DPP10: variants seen among roughly 807,000 people sequenced by gnomAD.
DPP10 encodes the protein inactive dipeptidyl peptidase 10.
Under a neutral mutation model 120.9 loss-of-function variants are expected in DPP10, and 33 were observed. That is an observed-to-expected ratio of 0.27 (90% confidence interval 0.21 to 0.37). The LOEUF is 0.37. Ranked by LOEUF, DPP10 falls within the 10% of genes least tolerant of loss-of-function variation. DPP10 has a pLI of 1.00. For missense variants in DPP10, 816 were observed against 942.8 expected (o/e 0.87, Z 1.76); for synonymous variants, 337 against 326.1 (o/e 1.03, Z -0.36).
chr2:115,567,280 G>C lies in DPP10; in HGVS notation c.441+41308G>C, dbSNP rs549547221. Among the ~76,000 whole-genome samples, 48 of 152,074 alleles carry C rather than the reference G, an allele frequency of 3.2e-4. 2 individuals carry two copies. The South Asian group carries it at 9.7e-3, about 31-fold the overall frequency. ...AATGTATAATAAAGGAATTGTCACC[G>C]CTTCTCACCTTTTCAATCCATTTTT... On this transcript the variant is annotated intron_variant, in intron 5 of 25. Coordinates refer to ENST00000410059, the MANE Select transcript of DPP10 (RefSeq NM_020868.6).
chr2:114,954,584 T>C (rs1398662654), intron 1 of DPP10, among the ~76,000 whole-genome samples: 3 of 151,600 alleles, frequency 2.0e-5, no homozygotes, highest in African/African-American at 7.3e-5. Context: ...CCAGAGTCAG[T>C]AGAAGGAAGA....
chr2:115,699,036 C>CAAAAAAA (rs1191197397), intron 7 of DPP10, among the ~76,000 whole-genome samples: 1 of 50,788 alleles, frequency 2.0e-5, no homozygotes, highest in Non-Finnish European at 3.8e-5. Flanking sequence ...AAAAAAAAAA[C>CAAAAAAA]AAAAAAAAAA....
rs540550129 is a variant in DPP10, at chr2:115,456,446, A to C, written c.272-43064A>C. Among the ~76,000 whole-genome samples the C allele has an allele frequency of 3.2e-4, 48 of 152,238 alleles. 2 individuals carry two copies. In the East Asian group the frequency reaches 8.7e-3, roughly 28 times the overall value. On this transcript the variant is annotated intron_variant, in intron 3 of 25. Coordinates refer to ENST00000410059, the MANE Select transcript of DPP10 (RefSeq NM_020868.6). Reference sequence around the variant, plus strand: ...AACTAGAAATACCATTTGACCCAGCAATCCCATTATTGGGTATATACCCAA... The same window carrying C: ...AACTAGAAATACCATTTGACCCAGCCATCCCATTATTGGGTATATACCCAA...
intron 1 of DPP10, among the ~76,000 whole-genome samples, chr2:114,779,922 G>A (rs917702863): frequency 6.6e-6 from 1 of 152,050 alleles, no homozygotes; most frequent in South Asian, 2.1e-4. Context: ...GGATCACGAG[G>A]TCAGGAGATC....
intron 1 of DPP10, among the ~76,000 whole-genome samples, chr2:115,098,951 C>T (rs988365958): frequency 2.0e-5 from 3 of 151,890 alleles, no homozygotes; most frequent in African/African-American, 7.3e-5. Context: ...CCAGTTACCA[C>T]AAAAATTTAG....
chr2:114,695,162 C>T (rs2105787594), intron 1 of DPP10, among the ~76,000 whole-genome samples: 1 of 151,982 alleles, frequency 6.6e-6, no homozygotes, highest in Admixed American at 6.6e-5. Context: ...GGATCAAAGA[C>T]AAAGAGGGCA....
intron 1 of DPP10, among the ~76,000 whole-genome samples, chr2:115,090,039 C>CT (rs764418463): frequency 6.5e-4 from 93 of 142,270 alleles, no homozygotes; most frequent in Middle Eastern, 7.2e-3. Context: ...TGGGTCATTC[C>CT]TTTTTTTTTT....
intron 5 of DPP10, among the ~76,000 whole-genome samples, chr2:115,540,352 G>C (rs932954681): frequency 6.6e-6 from 1 of 151,758 alleles, no homozygotes; most frequent in South Asian, 2.1e-4. Flanking sequence ...GCTAAAACTG[G>C]AACTTAATCT....
chr2:114,647,267 A>G (rs1696212275), intron 1 of DPP10, among the ~76,000 whole-genome samples: 1 of 152,142 alleles, frequency 6.6e-6, no homozygotes, highest in Non-Finnish European at 1.5e-5. Context: ...GGGGAGAAAG[A>G]ATTTCCCATT....
At chr2:115,417,169 C>T (rs1394475835) in intron 3 of DPP10, among the ~76,000 whole-genome samples, 1 of 151,972 alleles carries the variant, frequency 6.6e-6, no homozygotes, top group Non-Finnish European at 1.5e-5. Flanking sequence ...TACAGATGTA[C>T]CAGAGCTCCC....
chr2:115,066,269 C>A (rs751295582), intron 1 of DPP10, among the ~76,000 whole-genome samples: 1 of 151,942 alleles, frequency 6.6e-6, no homozygotes, highest in Non-Finnish European at 1.5e-5. Flanking sequence ...TAATTATATG[C>A]TTTAGGATTA....
At chr2:115,724,772 T>G (rs2092726520) in intron 7 of DPP10, among the ~76,000 whole-genome samples, 1 of 152,194 alleles carries the variant, frequency 6.6e-6, no homozygotes. Context: ...CTGCAGGTTG[T>G]GCAAGCATGG....
chr2:115,490,075 A>G (rs1236880129), intron 3 of DPP10, among the ~76,000 whole-genome samples: 2 of 152,150 alleles, frequency 1.3e-5, no homozygotes, highest in African/African-American at 4.8e-5. Context: ...TCCCCACTTC[A>G]AGATATCCCA....
At chr2:115,184,095 C>T (rs567083184) in intron 1 of DPP10, among the ~76,000 whole-genome samples, 22 of 152,214 alleles carry the variant, frequency 1.4e-4, no homozygotes, top group African/African-American at 4.3e-4. Flanking sequence ...GGGAACTCAA[C>T]GACTTCTTGA....
chr2:115,441,002 A>G (rs1252802295), intron 3 of DPP10: 2 of 152,178 alleles, frequency 1.3e-5, no homozygotes, highest in African/African-American at 2.4e-5. Context: ...TATGGGGTCA[A>G]TTGGAGTTTT....
chr2:115,016,667 A>T (rs1172733415), intron 1 of DPP10, among the ~76,000 whole-genome samples: 1 of 151,802 alleles, frequency 6.6e-6, no homozygotes, highest in Non-Finnish European at 1.5e-5. Context: ...AGAAAAAAAA[A>T]ACAACCCATC....
chr2:114,849,269 G>T (rs1688767569), intron 1 of DPP10, among the ~76,000 whole-genome samples: 1 of 152,110 alleles, frequency 6.6e-6, no homozygotes, highest in Non-Finnish European at 1.5e-5. Context: ...ATTGTTCTGG[G>T]TCTATATTCC....
At chr2:115,165,766 T>G (rs1378870690) in intron 1 of DPP10, among the ~76,000 whole-genome samples, 1 of 152,186 alleles carries the variant, frequency 6.6e-6, no homozygotes, top group Non-Finnish European at 1.5e-5. Context: ...CTAAAAAGCG[T>G]GGCTGTTCTC....
intron 1 of DPP10, among the ~76,000 whole-genome samples, chr2:114,794,916 T>C (rs1683571833): frequency 6.6e-6 from 1 of 152,206 alleles, no homozygotes; most frequent in South Asian, 2.1e-4. Flanking sequence ...TAGTGTAAGC[T>C]CTCAGTACAT....
Sources: gnomAD v4.1 joint callset for allele counts (sites outside exome capture counted in the v4.1 genomes callset) on GRCh38, gnomAD v4.1.1 for gene constraint, MANE v1.5 for transcripts, NCBI Gene and HGNC (gene_info 2026-07-23, HGNC 2026-07-21) for gene names.